GOT1L1: variants seen among roughly 807,000 people sequenced by gnomAD.
GOT1L1 encodes the protein aspartate aminotransferase, cytoplasmic 2.
Under a neutral mutation model 43.6 loss-of-function variants are expected in GOT1L1, and 38 were observed. That is an observed-to-expected ratio of 0.87 (90% CI 0.67 to 1.14). The LOEUF is 1.14. Ranked by LOEUF, GOT1L1 falls within the 50% of genes most tolerant of loss-of-function variation. GOT1L1 has a pLI of 0.00. For missense variants in GOT1L1, 482 were observed against 504.0 expected (o/e 0.96, Z 0.42); for synonymous variants, 183 against 187.2 (o/e 0.98, Z 0.18).
At chr8:37,936,097 T>C (rs896383824) in intron 6 of GOT1L1, among the ~76,000 whole-genome samples, 5 of 152,216 alleles carry the variant, frequency 3.3e-5, no homozygotes, top group Admixed American at 2.6e-4. Flanking sequence ...GAAAGATCAC[T>C]AAGTTCTACT....
In GOT1L1 at chr8:37,935,769, G is replaced by T. The variant is rs778978398; in HGVS notation, c.864C>A (p.Asn288Lys). The T allele has an allele frequency of 9.9e-6, 16 of 1,612,160 alleles. No homozygotes were observed. The highest frequency in any genetic ancestry group is 2.2e-5 in the East Asian group (1 of 44,716). ...TGACACGTGCACCCGTGTTGGGGGG[G>T]TTTAGCCACAGGGCCTGGGCTAATC... ...LEGLAQALWL[N>K]PPNTGARVIT... The change falls in exon 7 of 9, where the codon AAC becomes AAA. Residue 288 changes from asparagine (N) to lysine (K), a missense_variant. By Grantham distance (94) the Asn-to-Lys change is moderately conservative. Transcript: ENST00000307599.
At position 37,937,636 on chromosome 8, in the gene GOT1L1, AC is replaced by A; in HGVS notation, c.409+1del. On this transcript the variant is annotated splice_donor_variant, in intron 3 of 8. Coordinates refer to ENST00000307599, the MANE Select transcript of GOT1L1 (RefSeq NM_152413.3). LOFTEE classifies it high-confidence loss of function. Reference sequence around the variant, plus strand: ...GTTCCCCTCATCTTGGGTAAGACTAACCTTTTTGAGAAGAGATGATGTAAAC... The same window carrying A: ...GTTCCCCTCATCTTGGGTAAGACTAACTTTTTGAGAAGAGATGATGTAAAC... 6.3e-7 allele frequency: 1 copy of A among 1,596,788 alleles called. No homozygotes were observed. Among genetic ancestry groups the A allele is most frequent in the Non-Finnish European group, 8.6e-7 (1 of 1,167,888 alleles).
rs1807768168 is a variant in GOT1L1 at position 37,936,775 on chromosome 8, A to G, written c.708T>C (p.Ser236=). 6.2e-7 allele frequency: 1 copy of G among 1,612,900 alleles called. No homozygotes were observed. Among genetic ancestry groups the G allele is most frequent in the Admixed American group, 1.7e-5 (1 of 59,978 alleles). ...EDTRILQYFV[S]QGFEFFCSQS... ...GGCTGCAGAAGAACTCAAAGCCTTG[A>G]GACACAAAGTATTGTAAGATTCTAG... Residue 236 remains serine (S), a synonymous_variant, in exon 6 of 9, where the codon TCT becomes TCC. Transcript: ENST00000307599.
In GOT1L1 at chr8:37,935,106, G is replaced by T; in HGVS notation, c.1039C>A (p.Gln347Lys). Residue 347 changes from glutamine (Q) to lysine (K), a missense_variant, in exon 8 of 9, where the codon CAG (glutamine) becomes AAG (lysine). Gln to Lys is a moderately conservative substitution (Grantham distance 53). Transcript: ENST00000307599. ...TPGSWGHITE[Q>K]SGTHGYLGLN... ...CCAAGATAGCCGTGGGTCCCACTCT[G>T]CTCGGTGATGTGACCCCAGGACCCA... The T allele has an allele frequency of 6.2e-7, 1 of 1,613,714 alleles. No individual in the cohort carries two copies. Among genetic ancestry groups the T allele is most frequent in the Non-Finnish European group, 8.5e-7 (1 of 1,179,660 alleles).
In GOT1L1 at chr8:37,940,052, A is replaced by G; in HGVS notation, c.-23T>C. On this transcript the variant is annotated 5_prime_UTR_variant, in exon 1 of 9. Coordinates refer to ENST00000307599, the MANE Select transcript of GOT1L1 (RefSeq NM_152413.3). Reference sequence around the variant, plus strand: ...CATAACTGAAACGAAACTGGAGCCAAGACTATGTGTCTCTGCTCCTGTGTT... The same window carrying G: ...CATAACTGAAACGAAACTGGAGCCAGGACTATGTGTCTCTGCTCCTGTGTT... 1 of 1,605,538 alleles carries G rather than the reference A, an allele frequency of 6.2e-7. No homozygotes were observed. The highest frequency in any genetic ancestry group is 8.5e-7 in the Non-Finnish European group (1 of 1,175,652).
At chr8:37,937,189 C>T (rs1274189901) in intron 4 of GOT1L1, 88 bp downstream of exon 4, 12 of 1,209,966 alleles carry the variant, frequency 9.9e-6, no homozygotes, top group Middle Eastern at 2.4e-4. Flanking sequence ...TGGAAAAGGT[C>T]TTGGATGACT....
rs764186184 is a variant in GOT1L1, at chr8:37,940,076, T to A, written c.-47A>T. ...AAGACTATGTGTCTCTGCTCCTGTGTTCCGCTTCTGCCCAGAAGTCTTCCT... is the reference window on the plus strand; with the variant it reads ...AAGACTATGTGTCTCTGCTCCTGTGATCCGCTTCTGCCCAGAAGTCTTCCT... On this transcript the variant is annotated 5_prime_UTR_variant, in exon 1 of 9. Transcript: ENST00000307599. The A allele has an allele frequency of 3.8e-6, 6 of 1,568,226 alleles. No homozygotes were observed. In the Admixed American group the frequency reaches 1.1e-4, roughly 30 times the overall value.
At chr8:37,938,123 C>T (rs1488459985) in intron 2 of GOT1L1, among the ~76,000 whole-genome samples, 3 of 151,890 alleles carry the variant, frequency 2.0e-5, no homozygotes, top group African/African-American at 7.3e-5. Context: ...GGAGGCGAGA[C>T]GCAGTAGCTC....
intron 1 of GOT1L1, among the ~76,000 whole-genome samples, chr8:37,939,672 A>T (rs1807874034): frequency 6.6e-6 from 1 of 151,708 alleles, no homozygotes; most frequent in African/African-American, 2.4e-5. Flanking sequence ...CCAAGCATAG[A>T]GTTGTGGAAG....
Position 37,935,881 on chromosome 8 carries a change from G to T in GOT1L1, c.764-12C>A. The stretch of plus-strand genomic sequence containing the variant: ...CCCCACTCCTTCATCTGCAGTGTTG[G>T]GAAGACAGCCTCAGCCTCAGCCCCT... On this transcript the variant is annotated splice_polypyrimidine_tract_variant and intron_variant, in intron 6 of 8. Transcript: ENST00000307599. The T allele has an allele frequency of 6.2e-7, 1 of 1,609,434 alleles. No individual in the cohort carries two copies.
At position 37,938,894 on chromosome 8, in the gene GOT1L1, C is replaced by G; in HGVS notation, c.116-13G>C. 1 of 1,612,760 alleles carries G rather than the reference C, an allele frequency of 6.2e-7. No individual in the cohort carries two copies. Among genetic ancestry groups the G allele is most frequent in the South Asian group, 1.1e-5 (1 of 90,826 alleles). ...TTTGTCATGCAGACTGTGAGGAAAA[C>G]CACAGAGGGAGCTCCAGATGCCTGG... On this transcript the variant is annotated splice_polypyrimidine_tract_variant and intron_variant, in intron 1 of 8. Coordinates refer to ENST00000307599, the MANE Select transcript of GOT1L1 (RefSeq NM_152413.3).
chr8:37,940,114 CG>C lies in GOT1L1; in HGVS notation c.-86del. On this transcript the variant is annotated 5_prime_UTR_variant, in exon 1 of 9. Transcript: ENST00000307599. ...CAGAAGTCTTCCTCCAAGGCTGGGC[CG>C]GGCAGTCCTGCCTCTTCCTGGAACC... 1 of 1,486,676 alleles carries C rather than the reference CG, an allele frequency of 6.7e-7. No individual in the cohort carries two copies. Among genetic ancestry groups the C allele is most frequent in the Non-Finnish European group, 9.0e-7 (1 of 1,110,170 alleles). The allele number at this position is 1,486,676 out of a possible 1,614,324, so 92.1% of individuals were successfully genotyped here. A position where few individuals can be genotyped will look rare whatever the true frequency, so the allele number is the denominator to read the frequency against.
In GOT1L1 at chr8:37,940,024, G is replaced by A. The variant is rs369195084; in HGVS notation, c.6C>T (p.Pro2=). 3.7e-6 allele frequency: 6 copies of A among 1,612,494 alleles called. No individual in the cohort carries two copies. The highest frequency in any genetic ancestry group is 1.6e-4 in the Middle Eastern group (1 of 6,070). The change falls in exon 1 of 9, where the codon CCC becomes CCT. Residue 2 remains proline, a synonymous_variant. Coordinates refer to ENST00000307599, the MANE Select transcript of GOT1L1 (RefSeq NM_152413.3). ...GCACATCCATGAACACTGAAAGGGT[G>A]GGCATAACTGAAACGAAACTGGAGC... M[P]TLSVFMDVPL...
At chr8:37,936,216 A>C (rs1349036724) in intron 6 of GOT1L1, among the ~76,000 whole-genome samples, 5 of 152,032 alleles carry the variant, frequency 3.3e-5, no homozygotes, top group Non-Finnish European at 7.4e-5. Flanking sequence ...GTGGAATCAT[A>C]GCTCACTGCA....
At chr8:37,934,764 C>T (rs576719847) in intron 8 of GOT1L1, among the ~76,000 whole-genome samples, 9 of 152,086 alleles carry the variant, frequency 5.9e-5, no homozygotes, top group East Asian at 3.9e-4. Context: ...TTAGTAGAGA[C>T]GGGGTTTCAC....
chr8:37,937,423 G>A (rs748313796), intron 3 of GOT1L1, 37 bp from the exon 4 acceptor site: 2 of 1,370,790 alleles, frequency 1.5e-6, no homozygotes, highest in Non-Finnish European at 2.0e-6. Context: ...TGGTACATGG[G>A]AAACAGAGAG....
chr8:37,936,322 AT>A (rs1428293006), intron 6 of GOT1L1, among the ~76,000 whole-genome samples: 2 of 150,348 alleles, frequency 1.3e-5, no homozygotes, highest in East Asian at 3.9e-4. Context: ...AATTTTTTTA[AT>A]TGTTTGTAGA....
At position 37,935,155 on chromosome 8, in the gene GOT1L1, C is replaced by T; in HGVS notation, c.990G>A (p.Glu330=). The T allele has an allele frequency of 6.2e-7, 1 of 1,612,364 alleles. No individual in the cohort carries two copies. Among genetic ancestry groups the T allele is most frequent in the Non-Finnish European group, 8.5e-7 (1 of 1,179,198 alleles). Residue 330 remains glutamate, a synonymous_variant, in exon 8 of 9, where the codon GAG becomes GAA. Transcript: ENST00000307599. ...CAGGGGTTCCCAGGAGCTGGAGTTT[C>T]TCCTTCACTTTTTCCTTGGTTAGCA... ...NIMLTKEKVK[E]KLQLLGTPGS...
Position 37,936,868 on chromosome 8 carries a change from G to A in GOT1L1, c.615C>T (p.Ser205=), listed in dbSNP as rs1807771526. 1 of 1,611,114 alleles carries A rather than the reference G, an allele frequency of 6.2e-7. No individual in the cohort carries two copies. The highest frequency in any genetic ancestry group is 1.7e-5 in the Admixed American group (1 of 59,928). ...TATCAAAAAATGGGAATATCTGCTT[G>A]CTCTGTAGGAGAAAGGAGAACAAAA... is the stretch of plus-strand genomic sequence containing the variant. ...GWAKLMSMIK[S]KQIFPFFDIP... Residue 205 remains serine (S), a splice_region_variant and synonymous_variant, in exon 6 of 9, where the codon AGC becomes AGT. Transcript: ENST00000307599.
Sources: gnomAD v4.1 joint callset for allele counts (sites outside exome capture counted in the v4.1 genomes callset) on GRCh38, gnomAD v4.1.1 for gene constraint, MANE v1.5 for transcripts, NCBI Gene and HGNC (gene_info 2026-07-23, HGNC 2026-07-21) for gene names.